Variants in ARSG observed in about 807,000 individuals in gnomAD.
ARSG encodes the protein ASG.
Under a neutral mutation model 50.5 loss-of-function variants are expected in ARSG, and 37 were observed. The observed-to-expected ratio is 0.73, with a 90% CI of 0.56 to 0.96. The LOEUF is 0.96. Among genes scored for constraint, ARSG ranks in the 50% least tolerant of loss-of-function variants. ARSG has a pLI of 0.00. For missense variants in ARSG, 629 were observed against 675.3 expected, an observed-to-expected ratio of 0.93 and a Z score of 0.76; for synonymous variants, 225 against 254.6, an observed-to-expected ratio of 0.88 and a Z score of 1.11.
chr17:68,374,841 T>A (rs1446666586), intron 8 of ARSG, among the ~76,000 whole-genome samples: 4 of 127,444 alleles, frequency 3.1e-5, no homozygotes, highest in Admixed American at 2.6e-4. Context: ...GGCAACAGAG[T>A]GAGACTCAGA....
At position 68,307,466 on chromosome 17, in the gene ARSG, A is replaced by G. The variant is rs1555764649; in HGVS notation, c.-28A>G. 1.9e-6 allele frequency: 3 copies of G among 1,587,258 alleles called. No homozygotes were observed. The South Asian group carries it at 3.3e-5, about 18-fold the overall frequency. On this transcript the variant is annotated 5_prime_UTR_variant, in exon 2 of 12. Transcript: ENST00000621439. The stretch of plus-strand genomic sequence containing the variant: ...CTCTAGTGGTGGCTGCCGTCGCTCC[A>G]GACAATCGGAATCCTGCCTTCACCA...
rs372545986 is a variant in ARSG, at chr17:68,343,727, T to C, written c.342T>C (p.Leu114=). 5 of 1,614,140 alleles carry C rather than the reference T, an allele frequency of 3.1e-6. No individual in the cohort carries two copies. Among genetic ancestry groups the C allele is most frequent in the Non-Finnish European group, 4.2e-6 (5 of 1,180,006 alleles). Reference sequence around the variant, plus strand: ...TTGCAGTCACTTCTGTGGGAGGCCTTCCGCTCAACGAGACCACCTTGGCAG... The same window carrying C: ...TTGCAGTCACTTCTGTGGGAGGCCTCCCGCTCAACGAGACCACCTTGGCAG... ...RNFAVTSVGG[L]PLNETTLAEV... The change falls in exon 3 of 12, where the codon CTT becomes CTC. Residue 114 remains leucine, a synonymous_variant. Coordinates refer to ENST00000621439, the MANE Select transcript of ARSG (RefSeq NM_001267727.2).
downstream of ARSG, among the ~76,000 whole-genome samples, chr17:68,423,542 C>T (rs755975711): frequency 2.0e-5 from 3 of 152,164 alleles, no homozygotes; most frequent in Non-Finnish European, 4.4e-5. The surrounding 1 kb of genome is among the most constrained non-coding windows in gnomAD (Gnocchi z 4.4). Flanking sequence ...GTTCAGTGAC[C>T]ACTCTCACTG....
intron 11 of ARSG, among the ~76,000 whole-genome samples, chr17:68,406,546 T>G (rs2081730879): frequency 1.3e-5 from 2 of 152,212 alleles, no homozygotes; most frequent in Admixed American, 1.3e-4. Flanking sequence ...CAACATCTAC[T>G]GTTTTTTGAT....
At position 68,378,154 on chromosome 17, in the gene ARSG, C is replaced by T. The variant is rs963244572; in HGVS notation, c.983-6910C>T. Among the ~76,000 whole-genome samples, 1 of 152,194 alleles carries T rather than the reference C, an allele frequency of 6.6e-6. No individual in the cohort carries two copies. The highest frequency in any genetic ancestry group is 2.4e-5 in the African/African-American group (1 of 41,450). ...AAGGGGGCTGGGGTCCCTCTGGTCACCTGCTCCTCTTCACCCAGTTCCCCA... is the reference window on the plus strand; with the variant it reads ...AAGGGGGCTGGGGTCCCTCTGGTCATCTGCTCCTCTTCACCCAGTTCCCCA... On this transcript the variant is annotated intron_variant, in intron 8 of 11. Coordinates refer to ENST00000621439, the MANE Select transcript of ARSG (RefSeq NM_001267727.2). The surrounding 1 kb of genome is among the most constrained non-coding windows in gnomAD (Gnocchi z 4.4).
intron 2 of ARSG, among the ~76,000 whole-genome samples, chr17:68,310,150 G>C (rs148364652): frequency 8.7e-4 from 132 of 152,012 alleles, no homozygotes; most frequent in African/African-American, 3.1e-3. Context: ...CCCAGAGATC[G>C]GGTTTCTCCA....
intron 1 of ARSG, among the ~76,000 whole-genome samples, chr17:68,281,210 G>C (rs2075685555): frequency 1.3e-5 from 2 of 151,624 alleles, no homozygotes; most frequent in Admixed American, 6.6e-5. Context: ...GGGATTAATA[G>C]CCAGAATATA....
Position 68,271,339 on chromosome 17 carries a change from G to A in ARSG, c.-552+11913G>A, listed in dbSNP as rs140535569. The A allele has an allele frequency of 6.2e-7, 1 of 1,614,110 alleles. No homozygotes were observed. The highest frequency in any genetic ancestry group is 8.5e-7 in the Non-Finnish European group (1 of 1,180,048). On this transcript the variant is annotated intron_variant, in intron 1 of 11. Transcript: ENST00000448504. The surrounding 1 kb of genome is among the most constrained non-coding windows in gnomAD (Gnocchi z 5.3). ...CGGGGCTTTCTTTTCGCTTGGCCTG[G>A]GGCTGGTCTTCACCAGGACCTGCTG...
At chr17:68,300,169 C>T (rs1252551764) in intron 1 of ARSG, among the ~76,000 whole-genome samples, 1 of 152,142 alleles carries the variant, frequency 6.6e-6, no homozygotes. Context: ...TGGCCTCTAA[C>T]CCCTGGCCGC....
downstream of ARSG, among the ~76,000 whole-genome samples, chr17:68,424,828 G>A (rs924777705): frequency 1.5e-4 from 23 of 151,798 alleles, no homozygotes; most frequent in Middle Eastern, 3.2e-3. Flanking sequence ...AGCGAGCCGA[G>A]ATCACACCAC....
At chr17:68,331,247 TTC>T (rs1471869059) in intron 2 of ARSG, among the ~76,000 whole-genome samples, 2 of 112,226 alleles carry the variant, frequency 1.8e-5, no homozygotes, top group South Asian at 5.8e-4. Flanking sequence ...CTTTCTTTCT[TTC>T]TTTCTTTCTT....
At position 68,275,124 on chromosome 17, in the gene ARSG, T is replaced by G. The variant is rs183319975; in HGVS notation, c.-552+15698T>G. ...ATGAAAGAATGTGAATTCTAAGTTA[T>G]GCACTCCTGAAGGAGAGTTGCTATG... On this transcript the variant is annotated intron_variant, in intron 1 of 11. Coordinates refer to the ARSG transcript ENST00000448504. Among the ~76,000 whole-genome samples the G allele has an allele frequency of 3.3e-5, 5 of 152,358 alleles. No individual in the cohort carries two copies. The East Asian group carries it at 5.8e-4, about 18-fold the overall frequency.
In ARSG at chr17:68,278,740, C is replaced by G. The variant is rs371572187; in HGVS notation, c.-552+19314C>G. 6.6e-5 allele frequency among the ~76,000 whole-genome samples: 10 copies of G among 151,688 alleles called. No individual in the cohort carries two copies. In the East Asian group the frequency reaches 1.8e-3, roughly 27 times the overall value. ...GTTCAAGTGATTCTCCTGCCTCAGCCTCCCGAGTAGCTGGGATTACAGATG... is the reference window on the plus strand; with the variant it reads ...GTTCAAGTGATTCTCCTGCCTCAGCGTCCCGAGTAGCTGGGATTACAGATG... On this transcript the variant is annotated intron_variant, in intron 1 of 11. Transcript: ENST00000448504.
chr17:68,370,435 GGTTTCT>G lies in ARSG; in HGVS notation c.902-8_902-3del. On this transcript the variant is annotated splice_polypyrimidine_tract_variant and splice_region_variant and intron_variant, in intron 7 of 11. Transcript: ENST00000621439. ...CCTGGTGACCATTAATGCTTTTTCT[GGTTTCT>G]AGGAGACAATGGCCCGTGGGCTCAG... 6.2e-7 allele frequency: 1 copy of G among 1,613,814 alleles called. No individual in the cohort carries two copies. The highest frequency in any genetic ancestry group is 1.3e-5 in the African/African-American group (1 of 75,018).
chr17:68,405,119 A>C (rs74365055), intron 11 of ARSG, among the ~76,000 whole-genome samples: 2,987 of 144,218 alleles, frequency 0.021, 115 homozygotes, highest in African/African-American at 0.073. Context: ...TGTGAGTCCT[A>C]CAGCTTTGGG....
chr17:68,289,542 T>G (rs935098792), upstream of ARSG, among the ~76,000 whole-genome samples: 1 of 152,242 alleles, frequency 6.6e-6, no homozygotes, highest in Non-Finnish European at 1.5e-5. Context: ...ATTTCTCTTC[T>G]TCTTAAAGGC....
chr17:68,282,664 C>T (rs1402407278), intron 1 of ARSG, among the ~76,000 whole-genome samples: 1 of 150,846 alleles, frequency 6.6e-6, no homozygotes, highest in African/African-American at 2.4e-5. Context: ...ATTAGCAGTG[C>T]CGGGCATGGT....
chr17:68,431,813 G>C, the ARSG span, among the ~76,000 whole-genome samples: 2 of 11,410 alleles, frequency 1.8e-4, no homozygotes, highest in East Asian at 2.3e-3. Flanking sequence ...TTCTGCTCCT[G>C]GTCACCTGTG....
chr17:68,266,995 G>C (rs2075179083), intron 1 of ARSG: 1 of 152,038 alleles, frequency 6.6e-6, no homozygotes, highest in Non-Finnish European at 1.5e-5. Context: ...AATGCTGTGA[G>C]AGTCAATAAA....
Sources: gnomAD v4.1 joint callset for allele counts (sites outside exome capture counted in the v4.1 genomes callset) on GRCh38, gnomAD v4.1.1 for gene constraint, Gnocchi (gnomAD v3.1) non-coding constraint, MANE v1.5 for transcripts, NCBI Gene and HGNC (gene_info 2026-07-23, HGNC 2026-07-21) for gene names.